CWC27: variants seen among roughly 807,000 people sequenced by gnomAD.
CWC27 encodes the protein CWC27 spliceosome associated cyclophilin, also known as spliceosome-associated protein CWC27 homolog.
A neutral mutation model predicts 63.6 loss-of-function variants in CWC27; 47 were observed. The ratio of observed to expected loss-of-function variants is 0.74; its 90% CI spans 0.58 to 0.94. The LOEUF is 0.94. Among genes scored for constraint, CWC27 ranks in the 40% least tolerant of loss-of-function variants. The pLI is 0.00. For missense variants in CWC27, 495 were observed against 554.3 expected (o/e 0.89, Z 1.07); for synonymous variants, 175 against 179.8 (o/e 0.97, Z 0.22).
intron 10 of CWC27, among the ~76,000 whole-genome samples, chr5:64,845,764 G>A (rs1012252925): frequency 2.6e-5 from 4 of 152,146 alleles, no homozygotes; most frequent in Non-Finnish European, 5.9e-5. Context: ...TCAAACCTTT[G>A]CATACTAGGA....
intron 11 of CWC27, among the ~76,000 whole-genome samples, chr5:64,930,726 G>A (rs2112401745): frequency 6.6e-6 from 1 of 152,242 alleles, no homozygotes; most frequent in East Asian, 1.9e-4. Flanking sequence ...ACACTGATCT[G>A]TAATAGAGAA....
chr5:65,016,354 T>C (rs561582998), intron 13 of CWC27, among the ~76,000 whole-genome samples: 47 of 152,230 alleles, frequency 3.1e-4, no homozygotes, highest in Admixed American at 5.2e-4. Context: ...AATAATATAG[T>C]TCTAAGCATG....
At chr5:64,787,725 A>C (rs189556535) in intron 6 of CWC27, among the ~76,000 whole-genome samples, 240 of 152,230 alleles carry the variant, frequency 1.6e-3, no homozygotes, top group African/African-American at 5.3e-3. Context: ...TTAGATTTCA[A>C]CGTACTCTTT....
intron 10 of CWC27, among the ~76,000 whole-genome samples, chr5:64,885,097 A>G (rs1054332095): frequency 6.6e-6 from 1 of 152,118 alleles, no homozygotes; most frequent in African/African-American, 2.4e-5. Flanking sequence ...AATGAGTAAT[A>G]TTTATATTAA....
chr5:64,959,109 T>C (rs917142448), intron 11 of CWC27, among the ~76,000 whole-genome samples: 2 of 152,156 alleles, frequency 1.3e-5, no homozygotes, highest in Admixed American at 1.3e-4. Flanking sequence ...AAATAAACTT[T>C]AGCATCCTTC....
At chr5:64,826,675 T>C (rs187146150) in intron 10 of CWC27, among the ~76,000 whole-genome samples, 59 of 150,484 alleles carry the variant, frequency 3.9e-4, no homozygotes, top group African/African-American at 1.4e-3. Context: ...AATAAGTTAG[T>C]AGTAATTTTT....
intron 10 of CWC27, among the ~76,000 whole-genome samples, chr5:64,872,510 C>T (rs764568695): frequency 9.2e-5 from 14 of 152,046 alleles, no homozygotes; most frequent in Admixed American, 2.6e-4. Flanking sequence ...TGATACATGC[C>T]GATGAAAGTC....
intron 13 of CWC27, among the ~76,000 whole-genome samples, chr5:64,997,190 G>A (rs1276218992): frequency 6.6e-6 from 1 of 152,120 alleles, no homozygotes; most frequent in African/African-American, 2.4e-5. Flanking sequence ...AAATAGTAGA[G>A]TGGTTATGAA....
rs544771443 is a variant in CWC27, at chr5:64,801,298, A to G, written c.750-4A>G. The G allele has an allele frequency of 8.7e-5, 123 of 1,418,258 alleles. No individual in the cohort carries two copies. Among genetic ancestry groups the G allele is most frequent in the Non-Finnish European group, 1.1e-4 (111 of 1,050,336 alleles). 87.9% of individuals were successfully genotyped at this position (1,418,258 alleles called of 1,614,324 possible). A position where few individuals can be genotyped will look rare whatever the true frequency, so the allele number is the denominator to read the frequency against. On this transcript the variant is annotated splice_region_variant and splice_polypyrimidine_tract_variant and intron_variant, in intron 8 of 13. Transcript: ENST00000381070. ...AAAATTTGTTTTGCTTATTTTTTTT[A>G]TAGTGAAAAAGGTGATGCACCAGAT...
At chr5:64,816,818 A>C (rs1203983030) in intron 10 of CWC27, among the ~76,000 whole-genome samples, 1 of 152,132 alleles carries the variant, frequency 6.6e-6, no homozygotes, top group South Asian at 2.1e-4. Context: ...GAATGGCTGC[A>C]TCATTATTTC....
intron 11 of CWC27, among the ~76,000 whole-genome samples, chr5:64,954,589 A>T (rs1346292619): frequency 1.3e-5 from 2 of 151,422 alleles, no homozygotes; most frequent in East Asian, 3.9e-4. Context: ...ACAGCCCCCT[A>T]TTATATTTAA....
chr5:64,885,417 C>G (rs759179669), intron 10 of CWC27, 26 bp from the exon 11 acceptor site: 2 of 1,483,006 alleles, frequency 1.3e-6, no homozygotes, highest in African/African-American at 1.4e-5. Context: ...ATATTATATA[C>G]TTATATAACT....
intron 10 of CWC27, chr5:64,804,663 G>A (rs555458680): frequency 4.1e-6 from 1 of 246,182 alleles, no homozygotes; most frequent in African/African-American, 2.2e-5. Context: ...GGGTAATAAT[G>A]TATTAGCTAG....
intron 11 of CWC27, among the ~76,000 whole-genome samples, chr5:64,927,851 G>A (rs1748149557): frequency 6.6e-6 from 1 of 152,100 alleles, no homozygotes; most frequent in Non-Finnish European, 1.5e-5. Flanking sequence ...TAATGAAATT[G>A]TTCTTTTAAA....
intron 4 of CWC27, among the ~76,000 whole-genome samples, chr5:64,785,164 C>T (rs1468845520): frequency 3.9e-5 from 6 of 151,960 alleles, no homozygotes; most frequent in Non-Finnish European, 8.8e-5. Flanking sequence ...TATCCTATTC[C>T]AAAGTTTAAA....
chr5:64,982,966 A>C (rs906303605), intron 13 of CWC27, among the ~76,000 whole-genome samples: 1 of 152,148 alleles, frequency 6.6e-6, no homozygotes, highest in African/African-American at 2.4e-5. Context: ...TGTGAACTAC[A>C]CCTGCGAGGG....
intron 13 of CWC27, among the ~76,000 whole-genome samples, chr5:64,997,638 A>T (rs1399150191): frequency 6.6e-6 from 1 of 152,106 alleles, no homozygotes; most frequent in African/African-American, 2.4e-5. Context: ...ATTCTGAGAT[A>T]AAAAAATTTT....
At chr5:64,771,069 A>G (rs548624957) in intron 1 of CWC27, among the ~76,000 whole-genome samples, 286 of 152,324 alleles carry the variant, frequency 1.9e-3, no homozygotes, top group Non-Finnish European at 3.4e-3. Context: ...TTAATTACAA[A>G]ATGTGATAAA....
At chr5:64,946,663 T>A (rs12519598) in intron 11 of CWC27, among the ~76,000 whole-genome samples, 3 of 152,086 alleles carry the variant, frequency 2.0e-5, no homozygotes, top group Non-Finnish European at 4.4e-5. Context: ...AGATGTTTAT[T>A]AATGAAACTA....
Sources: allele counts gnomAD v4.1 joint callset (sites outside exome capture counted in the v4.1 genomes callset), GRCh38; gene constraint gnomAD v4.1.1; transcripts MANE v1.5; gene names NCBI Gene and HGNC (gene_info 2026-07-23, HGNC 2026-07-21).